Variants in MAN1C1 observed in about 807,000 individuals in gnomAD.
The protein encoded by MAN1C1 is mannosidase alpha class 1C member 1.
Under a neutral mutation model 71.5 loss-of-function variants are expected in MAN1C1, and 49 were observed. The ratio of observed to expected loss-of-function variants is 0.69; its 90% CI spans 0.54 to 0.87. The LOEUF is 0.87. Among genes scored for constraint, MAN1C1 ranks in the 40% least tolerant of loss-of-function variants. MAN1C1 has a pLI of 0.00. For synonymous variants in MAN1C1, 352 were observed against 343.7 expected, an observed-to-expected ratio of 1.02 and a Z score of -0.27; for missense variants, 743 against 835.0, an observed-to-expected ratio of 0.89 and a Z score of 1.36.
intron 1 of MAN1C1, among the ~76,000 whole-genome samples, chr1:25,625,833 A>G (rs1429544241): frequency 6.6e-6 from 1 of 152,210 alleles, no homozygotes; most frequent in Non-Finnish European, 1.5e-5. Flanking sequence ...AGAAAAAAAA[A>G]GTACAAAATA....
intron 2 of MAN1C1, among the ~76,000 whole-genome samples, chr1:25,723,072 T>C (rs762405626): frequency 1.3e-5 from 2 of 152,164 alleles, no homozygotes; most frequent in Non-Finnish European, 2.9e-5. Context: ...TATACCTCAG[T>C]GTAGGTCTCT....
chr1:25,648,202 C>T (rs555606122), intron 1 of MAN1C1, among the ~76,000 whole-genome samples: 2 of 152,366 alleles, frequency 1.3e-5, no homozygotes, highest in South Asian at 4.1e-4. Context: ...CTCCTGGAAG[C>T]ATCTGCTCAT....
intron 7 of MAN1C1, among the ~76,000 whole-genome samples, chr1:25,768,322 C>T (rs559340158): frequency 3.9e-5 from 5 of 128,436 alleles, no homozygotes; most frequent in Non-Finnish European, 8.3e-5. Flanking sequence ...CCTTCACGTA[C>T]ATCCACACTC....
chr1:25,696,781 G>A (rs1174529193), intron 2 of MAN1C1, among the ~76,000 whole-genome samples: 1 of 152,096 alleles, frequency 6.6e-6, no homozygotes, highest in Non-Finnish European at 1.5e-5. Flanking sequence ...GGGTAGCTAG[G>A]ACTACAAGCA....
At chr1:25,630,047 C>T (rs971917836) in intron 1 of MAN1C1, among the ~76,000 whole-genome samples, 3 of 152,126 alleles carry the variant, frequency 2.0e-5, no homozygotes, top group African/African-American at 2.4e-5. Context: ...GTCGTTGACT[C>T]ATCCTGAGTT....
intron 2 of MAN1C1, among the ~76,000 whole-genome samples, chr1:25,726,862 C>T (rs1362669949): frequency 6.7e-6 from 1 of 149,526 alleles, no homozygotes; most frequent in East Asian, 2.0e-4. Context: ...GTGAGACCAA[C>T]CTGGGCAATA....
Position 25,764,072 on chromosome 1 carries a change from G to T in MAN1C1, c.1141+105G>T. On this transcript the variant is annotated intron_variant, in intron 7 of 11. Transcript: ENST00000374332. This position sits in a 1 kb window ranked among gnomAD's most constrained non-coding sequence, Gnocchi z 4.4. ...GCTGAGTGAGGATGTGTCTGTCAGA[G>T]CCATGCAGCCAGCAAGGCATTCGCT... 1 of 907,326 alleles carries T rather than the reference G, an allele frequency of 1.1e-6. No homozygotes were observed. The highest frequency in any genetic ancestry group is 1.8e-6 in the Non-Finnish European group (1 of 567,928). 56.2% of individuals were successfully genotyped at this position (907,326 alleles called of 1,614,324 possible). A position where few individuals can be genotyped will look rare whatever the true frequency, so the allele number is the denominator to read the frequency against.
intron 4 of MAN1C1, among the ~76,000 whole-genome samples, chr1:25,752,975 G>A (rs2047236181): frequency 6.6e-6 from 1 of 152,228 alleles, no homozygotes; most frequent in Non-Finnish European, 1.5e-5. Context: ...GCTCTTGACA[G>A]TCTGTCCGAA....
In MAN1C1 at chr1:25,714,540, A is replaced by C. The variant is rs191573046; in HGVS notation, c.637+28004A>C. Among the ~76,000 whole-genome samples the C allele has an allele frequency of 1.1e-3, 164 of 152,322 alleles. 1 individual carries two copies. Among genetic ancestry groups the C allele is most frequent in the Non-Finnish European group, 2.0e-3 (133 of 68,022 alleles). ...AGCTGAAGTGCATTATGTGTTCTGC[A>C]TGAGCTTTTGAAAGCTTAGATAAAT... On this transcript the variant is annotated intron_variant, in intron 2 of 11. Coordinates refer to ENST00000374332, the MANE Select transcript of MAN1C1 (RefSeq NM_020379.4).
chr1:25,749,787 T>A (rs1450181576), intron 4 of MAN1C1, among the ~76,000 whole-genome samples: 1 of 152,132 alleles, frequency 6.6e-6, no homozygotes, highest in African/African-American at 2.4e-5. Flanking sequence ...CAAGTGTTGG[T>A]TCTTAGGACT....
intron 1 of MAN1C1, among the ~76,000 whole-genome samples, chr1:25,663,069 C>G (rs915408655): frequency 6.7e-6 from 1 of 148,598 alleles, no homozygotes; most frequent in Admixed American, 6.7e-5. Flanking sequence ...CCAGCCTGGT[C>G]AATAGAGTGA....
chr1:25,703,119 C>G (rs916417642), intron 2 of MAN1C1, among the ~76,000 whole-genome samples: 16 of 152,180 alleles, frequency 1.1e-4, no homozygotes, highest in African/African-American at 3.9e-4. Flanking sequence ...GATGCACAAC[C>G]CAGGTTGGGA....
At chr1:25,653,911 T>C (rs1206153793) in intron 1 of MAN1C1, among the ~76,000 whole-genome samples, 2 of 152,162 alleles carry the variant, frequency 1.3e-5, no homozygotes, top group Non-Finnish European at 2.9e-5. Flanking sequence ...CGTTTTTGGC[T>C]GCCACACTGG....
intron 1 of MAN1C1, among the ~76,000 whole-genome samples, chr1:25,627,013 T>G (rs1366328591): frequency 1.3e-5 from 2 of 152,242 alleles, no homozygotes; most frequent in African/African-American, 4.8e-5. Context: ...ATTTCAGTAT[T>G]TACATTTAGG....
chr1:25,762,708 G>A lies in MAN1C1; in HGVS notation c.1048-1166G>A, dbSNP rs893223090. ...CTCCCAAAGTGCTGGGATTATAGGC[G>A]TGAGCCACCATGCCTGGCTATACCA... is the stretch of plus-strand genomic sequence containing the variant. On this transcript the variant is annotated intron_variant, in intron 6 of 11. Coordinates refer to ENST00000374332, the MANE Select transcript of MAN1C1 (RefSeq NM_020379.4). Among the ~76,000 whole-genome samples, 3 of 152,136 alleles carry A rather than the reference G, an allele frequency of 2.0e-5. No individual in the cohort carries two copies. In the South Asian group the frequency reaches 6.2e-4, roughly 32 times the overall value.
chr1:25,734,000 C>T (rs948266423), intron 2 of MAN1C1, among the ~76,000 whole-genome samples: 14 of 152,006 alleles, frequency 9.2e-5, no homozygotes, highest in Admixed American at 2.6e-4. Context: ...GGGGTTTCAC[C>T]GTGTTAGCCA....
chr1:25,667,546 G>T (rs1467997233), intron 1 of MAN1C1, among the ~76,000 whole-genome samples: 1 of 150,644 alleles, frequency 6.6e-6, no homozygotes, highest in Non-Finnish European at 1.5e-5. Flanking sequence ...GAAGATCTGA[G>T]TTTTCTCTCT....
chr1:25,750,623 C>T (rs371313471), intron 4 of MAN1C1, among the ~76,000 whole-genome samples: 9 of 152,228 alleles, frequency 5.9e-5, no homozygotes, highest in Admixed American at 1.3e-4. Context: ...CCTTATCTCT[C>T]CAATTGCTCC....
intron 1 of MAN1C1, among the ~76,000 whole-genome samples, chr1:25,661,094 T>TA (rs397737243): frequency 2.0e-5 from 3 of 152,178 alleles, no homozygotes; most frequent in South Asian, 2.1e-4. Context: ...TTTTTTTTTT[T>TA]AATTTCAGTT....
Sources: gnomAD v4.1 joint callset for allele counts (sites outside exome capture counted in the v4.1 genomes callset) on GRCh38, gnomAD v4.1.1 for gene constraint, Gnocchi (gnomAD v3.1) non-coding constraint, MANE v1.5 for transcripts, NCBI Gene and HGNC (gene_info 2026-07-23, HGNC 2026-07-21) for gene names.